SLX4IP: variants seen among roughly 807,000 people sequenced by gnomAD.
SLX4IP encodes the protein protein SLX4IP.
A neutral mutation model predicts 32.9 loss-of-function variants in SLX4IP; 34 were observed. That is an observed-to-expected ratio of 1.03 (90% CI 0.79 to 1.38). SLX4IP has a LOEUF of 1.38. SLX4IP is among the 40% of genes most tolerant of loss of function. The pLI, the probability that SLX4IP is intolerant of heterozygous loss-of-function variation, is 0.00. For missense variants in SLX4IP, 444 were observed against 479.0 expected, an observed-to-expected ratio of 0.93 and a Z score of 0.68; for synonymous variants, 172 against 171.7, an observed-to-expected ratio of 1.00 and a Z score of -0.01.
intron 4 of SLX4IP, among the ~76,000 whole-genome samples, chr20:10,588,278 C>T (rs1040115947): frequency 6.6e-6 from 1 of 152,128 alleles, no homozygotes; most frequent in African/African-American, 2.4e-5. Context: ...TATTTACCAT[C>T]AGGAAATGCA....
At chr20:10,571,452 C>T (rs2066464816) in intron 4 of SLX4IP, among the ~76,000 whole-genome samples, 1 of 152,194 alleles carries the variant, frequency 6.6e-6, no homozygotes, top group African/African-American at 2.4e-5. Context: ...GCTGCTGTCT[C>T]ACCCTGGGCT....
intron 2 of SLX4IP, among the ~76,000 whole-genome samples, chr20:10,482,047 A>T (rs1420610365): frequency 6.6e-6 from 1 of 152,210 alleles, no homozygotes; most frequent in Non-Finnish European, 1.5e-5. Flanking sequence ...TCTCTGTCAC[A>T]TTCTATTTGC....
intron 4 of SLX4IP, among the ~76,000 whole-genome samples, chr20:10,573,480 T>C (rs1177531755): frequency 1.3e-5 from 2 of 152,214 alleles, no homozygotes; most frequent in Non-Finnish European, 2.9e-5. Context: ...GTTATTACAA[T>C]GGGCAGTTAG....
intron 4 of SLX4IP, among the ~76,000 whole-genome samples, chr20:10,572,458 G>T (rs1287815719): frequency 1.3e-5 from 2 of 152,088 alleles, no homozygotes; most frequent in Non-Finnish European, 2.9e-5. Flanking sequence ...CTCTGATCAT[G>T]AGATGGAAAG....
At chr20:10,536,234 G>A (rs2066042745) in intron 2 of SLX4IP, among the ~76,000 whole-genome samples, 1 of 152,152 alleles carries the variant, frequency 6.6e-6, no homozygotes, top group South Asian at 2.1e-4. Flanking sequence ...ACTTTAAAAT[G>A]TGGTGAATAG....
At chr20:10,589,732 TTCA>T (rs1243543799) in intron 4 of SLX4IP, among the ~76,000 whole-genome samples, 1 of 152,156 alleles carries the variant, frequency 6.6e-6, no homozygotes, top group Non-Finnish European at 1.5e-5. Context: ...TAAAACAACA[TTCA>T]TCATATGATT....
At chr20:10,546,376 G>C (rs1275417067) in intron 2 of SLX4IP, among the ~76,000 whole-genome samples, 1 of 152,218 alleles carries the variant, frequency 6.6e-6, no homozygotes, top group Non-Finnish European at 1.5e-5. Flanking sequence ...TAGAAGCAGT[G>C]TGTGGCCGGA....
chr20:10,581,406 A>G (rs1005906419), intron 4 of SLX4IP, among the ~76,000 whole-genome samples: 2 of 152,204 alleles, frequency 1.3e-5, no homozygotes, highest in African/African-American at 4.8e-5. Context: ...CTAGCAAACC[A>G]GTGAAATGCA....
chr20:10,472,172 T>C lies in SLX4IP; in HGVS notation c.27+13941T>C, dbSNP rs563135791. On this transcript the variant is annotated intron_variant, in intron 2 of 7. Transcript: ENST00000334534. ...TATTATAGTTTTCTTATCTATTAAA[T>C]GAGATGTTGAATTAGGGAGTTTCTA... Among the ~76,000 whole-genome samples the C allele has an allele frequency of 3.3e-5, 5 of 152,240 alleles. No homozygotes were observed. In the South Asian group the frequency reaches 8.3e-4, roughly 25 times the overall value.
chr20:10,474,284 C>T (rs914247441), intron 2 of SLX4IP, among the ~76,000 whole-genome samples: 1 of 152,186 alleles, frequency 6.6e-6, no homozygotes, highest in African/African-American at 2.4e-5. Context: ...AACAATATTT[C>T]AAGTTGTCAA....
At chr20:10,489,246 G>C (rs531934588) in intron 2 of SLX4IP, among the ~76,000 whole-genome samples, 253 of 152,180 alleles carry the variant, frequency 1.7e-3, no homozygotes, top group African/African-American at 5.4e-3. Flanking sequence ...GTTATAGTTC[G>C]GTCCACTAAT....
intron 1 of SLX4IP, among the ~76,000 whole-genome samples, chr20:10,449,213 G>T (rs576831121): frequency 6.6e-6 from 1 of 152,216 alleles, no homozygotes; most frequent in African/African-American, 2.4e-5. Context: ...CGACTTTCCA[G>T]ATGTGTTATG....
intron 1 of SLX4IP, among the ~76,000 whole-genome samples, chr20:10,450,466 C>T (rs1177803509): frequency 6.6e-6 from 1 of 152,162 alleles, no homozygotes; most frequent in African/African-American, 2.4e-5. Flanking sequence ...TTCCCAGGAA[C>T]TTACTTTTTT....
intron 1 of SLX4IP, among the ~76,000 whole-genome samples, chr20:10,444,919 T>C (rs1198134617): frequency 2.0e-5 from 3 of 152,210 alleles, no homozygotes; most frequent in East Asian, 3.9e-4. Context: ...CATGTTGTGA[T>C]TTTTCCTTCT....
At chr20:10,608,722 A>G (rs988969899) in intron 6 of SLX4IP, among the ~76,000 whole-genome samples, 2 of 151,562 alleles carry the variant, frequency 1.3e-5, no homozygotes, top group African/African-American at 4.8e-5. Context: ...GCACTTATAC[A>G]GTATTAATTT....
intron 6 of SLX4IP, among the ~76,000 whole-genome samples, chr20:10,604,271 A>G (rs2066877060): frequency 2.6e-5 from 4 of 152,244 alleles, no homozygotes; most frequent in Admixed American, 2.0e-4. Flanking sequence ...TTGTTTTTGT[A>G]TAACTATTGA....
intron 2 of SLX4IP, among the ~76,000 whole-genome samples, chr20:10,513,707 CTA>C (rs1324004939): frequency 6.6e-6 from 1 of 152,200 alleles, no homozygotes; most frequent in East Asian, 1.9e-4. Flanking sequence ...GGCCCAAGGG[CTA>C]GAAGGACTGG....
intron 2 of SLX4IP, among the ~76,000 whole-genome samples, chr20:10,471,936 A>C (rs1041321991): frequency 1.3e-5 from 2 of 152,190 alleles, no homozygotes; most frequent in African/African-American, 4.8e-5. Context: ...TCCCCAGAGC[A>C]CATGAAAGTG....
chr20:10,482,637 G>A (rs1442955469), intron 2 of SLX4IP, among the ~76,000 whole-genome samples: 1 of 152,090 alleles, frequency 6.6e-6, no homozygotes, highest in Non-Finnish European at 1.5e-5. Context: ...AGTGGGGTAG[G>A]GTGAGATCCT....
Sources: allele counts gnomAD v4.1 joint callset (sites outside exome capture counted in the v4.1 genomes callset), GRCh38; gene constraint gnomAD v4.1.1; transcripts MANE v1.5; gene names NCBI Gene and HGNC (gene_info 2026-07-23, HGNC 2026-07-21).